Variants in LRP1B observed in about 807,000 individuals in gnomAD.
LRP1B encodes LDL receptor related protein 1B.
In LRP1B, 217 loss-of-function variants were observed where a neutral mutation model predicts 556.6. The ratio of observed to expected loss-of-function variants is 0.39; its 90% confidence interval spans 0.35 to 0.44. LRP1B has a LOEUF of 0.44. Ranked by LOEUF, LRP1B falls within the 20% of genes least tolerant of loss-of-function variation. LRP1B has a pLI of 1.00. For synonymous variants in LRP1B, 2,047 were observed against 1,865.8 expected, an observed-to-expected ratio of 1.10 and a Z score of -2.50; for missense variants, 5,053 against 5,620.8, an observed-to-expected ratio of 0.90 and a Z score of 3.23.
chr2:141,952,644 T>C (rs1259958730), intron 1 of LRP1B, among the ~76,000 whole-genome samples: 5 of 152,112 alleles, frequency 3.3e-5, no homozygotes, highest in Non-Finnish European at 7.4e-5. Context: ...GTTCTGAATA[T>C]GAAATGCTGA....
intron 2 of LRP1B, among the ~76,000 whole-genome samples, chr2:141,557,314 T>C (rs1199314970): frequency 6.6e-6 from 1 of 151,782 alleles, no homozygotes; most frequent in Non-Finnish European, 1.5e-5. Flanking sequence ...TGACTAACAG[T>C]CCATATTTTA....
Position 140,396,428 on chromosome 2 carries a change from G to T in LRP1B, c.10415-10419C>A, listed in dbSNP as rs137974168. Among the ~76,000 whole-genome samples the T allele has an allele frequency of 2.5e-3, 388 of 152,260 alleles. 2 individuals carry two copies. Among genetic ancestry groups the T allele is most frequent in the African/African-American group, 8.9e-3 (370 of 41,558 alleles). ...TTCACTTTATATTTTTGGATGGAGA[G>T]ATTCAGACTTTGATTTGGAGTGAGG... On this transcript the variant is annotated intron_variant, in intron 66 of 90. Transcript: ENST00000389484.
intron 37 of LRP1B, among the ~76,000 whole-genome samples, chr2:140,703,711 G>A (rs773760521): frequency 6.6e-6 from 1 of 152,034 alleles, no homozygotes; most frequent in Non-Finnish European, 1.5e-5. Context: ...TTGTTCCCAT[G>A]TTCATGTTCA....
chr2:141,061,486 C>T (rs951059815), intron 8 of LRP1B, among the ~76,000 whole-genome samples: 1 of 151,682 alleles, frequency 6.6e-6, no homozygotes, highest in African/African-American at 2.4e-5. Context: ...GTTTGCAAAA[C>T]GTTGTAATTC....
intron 11 of LRP1B, among the ~76,000 whole-genome samples, chr2:141,047,929 T>G (rs1040455051): frequency 6.6e-6 from 1 of 152,128 alleles, no homozygotes; most frequent in Non-Finnish European, 1.5e-5. Flanking sequence ...TAAAGATATC[T>G]CTTGCTTCCT....
At chr2:141,142,347 A>T (rs1701673357) in intron 7 of LRP1B, among the ~76,000 whole-genome samples, 1 of 152,174 alleles carries the variant, frequency 6.6e-6, no homozygotes, top group African/African-American at 2.4e-5. Context: ...CTTCAGTTTT[A>T]GTTCTTGAGC....
rs150807515 is a variant in LRP1B, at chr2:140,706,630, C to G, written c.6024-4077G>C. 1.4e-3 allele frequency among the ~76,000 whole-genome samples: 217 copies of G among 152,180 alleles called. 1 individual carries two copies. Among genetic ancestry groups the G allele is most frequent in the African/African-American group, 5.0e-3 (208 of 41,538 alleles). ...TTGAGCAGGAAGACAGTGCAATGAG[C>G]ACATATCATGAGTTAATTTCCAACT... On this transcript the variant is annotated intron_variant, in intron 37 of 90. Coordinates refer to ENST00000389484, the MANE Select transcript of LRP1B (RefSeq NM_018557.3).
At chr2:140,461,362 G>T (rs1039362704) in intron 60 of LRP1B, among the ~76,000 whole-genome samples, 1 of 152,058 alleles carries the variant, frequency 6.6e-6, no homozygotes, top group Admixed American at 6.6e-5. Flanking sequence ...GGAGGATACA[G>T]CATTAGGATA....
intron 2 of LRP1B, among the ~76,000 whole-genome samples, chr2:141,490,460 C>G (rs1201624537): frequency 2.6e-5 from 4 of 151,230 alleles, no homozygotes; most frequent in Non-Finnish European, 4.4e-5. Context: ...AAGTTGGCAC[C>G]TGAATCCAAA....
intron 11 of LRP1B, among the ~76,000 whole-genome samples, chr2:141,032,688 GT>G (rs1043647124): frequency 2.0e-5 from 3 of 151,302 alleles, no homozygotes; most frequent in Non-Finnish European, 4.4e-5. Context: ...CATAATCATT[GT>G]TTTCTGTTAT....
chr2:141,717,540 A>C (rs1692652000), intron 2 of LRP1B, among the ~76,000 whole-genome samples: 1 of 152,190 alleles, frequency 6.6e-6, no homozygotes, highest in Admixed American at 6.5e-5. Flanking sequence ...AACAACAGTT[A>C]AAGCTGATTC....
chr2:141,990,963 A>C (rs1229121920), intron 1 of LRP1B, among the ~76,000 whole-genome samples: 2 of 152,038 alleles, frequency 1.3e-5, no homozygotes. Flanking sequence ...TCACTTGAAG[A>C]TTCAGTGGTT....
At chr2:140,988,511 T>C (rs1194725286) in intron 17 of LRP1B, among the ~76,000 whole-genome samples, 1 of 151,958 alleles carries the variant, frequency 6.6e-6, no homozygotes, top group African/African-American at 2.4e-5. Context: ...GTTTTGTACA[T>C]AGGGAAAATC....
At chr2:141,771,296 G>T (rs938878444) in intron 2 of LRP1B, among the ~76,000 whole-genome samples, 1 of 152,126 alleles carries the variant, frequency 6.6e-6, no homozygotes, top group Non-Finnish European at 1.5e-5. Context: ...AACAAGGCAG[G>T]TACCTAACTG....
intron 3 of LRP1B, among the ~76,000 whole-genome samples, chr2:141,436,275 A>G (rs4422106): frequency 0.23 from 35,589 of 152,100 alleles, 4,479 homozygotes; most frequent in East Asian, 0.45. Context: ...TGTGTGGTGA[A>G]GACACTTAAG....
chr2:141,453,213 G>T (rs1317918301), intron 3 of LRP1B, among the ~76,000 whole-genome samples: 1 of 151,880 alleles, frequency 6.6e-6, no homozygotes, highest in Non-Finnish European at 1.5e-5. Context: ...CTCCAGCCTG[G>T]GTGACAAAGT....
intron 85 of LRP1B, among the ~76,000 whole-genome samples, 163 bp from the exon 86 acceptor site, chr2:140,270,509 T>A (rs1031436577): frequency 2.6e-5 from 4 of 152,040 alleles, no homozygotes; most frequent in Non-Finnish European, 5.9e-5. Flanking sequence ...AGAGGCAGTT[T>A]AATTTATGTC....
intron 3 of LRP1B, among the ~76,000 whole-genome samples, chr2:141,454,797 A>AG (rs1270429428): frequency 6.6e-6 from 1 of 152,148 alleles, no homozygotes; most frequent in East Asian, 1.9e-4. Context: ...CAGAGAGGAG[A>AG]GGAATAGTGC....
intron 17 of LRP1B, among the ~76,000 whole-genome samples, chr2:140,985,730 T>C (rs1410631674): frequency 6.6e-6 from 1 of 151,958 alleles, no homozygotes; most frequent in Non-Finnish European, 1.5e-5. Context: ...CAATCTATTC[T>C]GGTCAATTGT....
Sources: allele counts gnomAD v4.1 joint callset (sites outside exome capture counted in the v4.1 genomes callset), GRCh38; gene constraint gnomAD v4.1.1; transcripts MANE v1.5; gene names NCBI Gene and HGNC (gene_info 2026-07-23, HGNC 2026-07-21).